PLD5: variants seen among roughly 807,000 people sequenced by gnomAD.
PLD5 encodes the protein phospholipase D family member 5.
PLD5 carries 36 observed loss-of-function variants against 61.1 expected under a neutral mutation model. That is an observed-to-expected ratio of 0.59 (90% CI 0.45 to 0.78). The LOEUF (loss-of-function observed/expected upper bound fraction) is 0.78. Ranked by LOEUF, PLD5 falls within the 30% of genes least tolerant of loss-of-function variation. PLD5 has a pLI of 0.00. For synonymous variants in PLD5, 243 were observed against 242.8 expected (o/e 1.00, Z -0.01); for missense variants, 515 against 644.4 (o/e 0.80, Z 2.17).
intron 1 of PLD5, among the ~76,000 whole-genome samples, chr1:242,522,397 C>T (rs567195623): frequency 6.6e-6 from 1 of 152,118 alleles, no homozygotes. Context: ...CATGGTATGA[C>T]TTGATACTTT....
At chr1:242,187,703 T>C (rs1574478074) in intron 5 of PLD5, among the ~76,000 whole-genome samples, 1 of 152,100 alleles carries the variant, frequency 6.6e-6, no homozygotes, top group Non-Finnish European at 1.5e-5. Flanking sequence ...TATAAATAAA[T>C]CTCCAGACAT....
At chr1:242,476,034 G>A (rs987802426) in intron 1 of PLD5, among the ~76,000 whole-genome samples, 2 of 152,286 alleles carry the variant, frequency 1.3e-5, no homozygotes, top group South Asian at 2.1e-4. Context: ...ATTTTGCTAC[G>A]CCCTAGCAAA....
intron 5 of PLD5, among the ~76,000 whole-genome samples, chr1:242,219,460 G>C (rs1670426906): frequency 6.6e-6 from 1 of 152,204 alleles, no homozygotes; most frequent in Admixed American, 6.5e-5. Flanking sequence ...TGGAAAGATG[G>C]TGATTTTGTA....
chr1:242,109,360 C>A (rs1430439496), intron 7 of PLD5, among the ~76,000 whole-genome samples: 1 of 152,192 alleles, frequency 6.6e-6, no homozygotes, highest in Non-Finnish European at 1.5e-5. Context: ...CACCTGTAAT[C>A]CCAGCTACTC....
chr1:242,460,201 A>G (rs554694667), intron 1 of PLD5, among the ~76,000 whole-genome samples: 111 of 152,138 alleles, frequency 7.3e-4, no homozygotes, highest in Admixed American at 1.9e-3. Context: ...CCATGTGACC[A>G]TCTCACCTCA....
chr1:242,190,138 CTTTT>C (rs902616187), intron 5 of PLD5, among the ~76,000 whole-genome samples: 3 of 74,400 alleles, frequency 4.0e-5, no homozygotes, highest in Non-Finnish European at 7.0e-5. Context: ...GACAGGACTC[CTTTT>C]TTTTTTTTTT....
chr1:242,307,371 A>G (rs376705105), intron 2 of PLD5, among the ~76,000 whole-genome samples: 15 of 149,282 alleles, frequency 1.0e-4, no homozygotes, highest in African/African-American at 3.2e-4. Context: ...GGTGATGATG[A>G]TGATGATGAT....
In PLD5 at chr1:242,193,727, G is replaced by T. The variant is rs1054088505; in HGVS notation, c.735+26261C>A. Among the ~76,000 whole-genome samples the T allele has an allele frequency of 3.3e-5, 5 of 152,182 alleles. No individual in the cohort carries two copies. The South Asian group carries it at 1.0e-3, about 31-fold the overall frequency. ...TTGGTTTAGCCACATCTTAGCACAT[G>T]TCCTTGGGCTGGCCATTCAGTGTTC... On this transcript the variant is annotated intron_variant, in intron 5 of 9. Coordinates refer to ENST00000536534, the MANE Select transcript of PLD5 (RefSeq NM_001372062.1).
intron 4 of PLD5, among the ~76,000 whole-genome samples, chr1:242,254,590 A>G (rs1242919742): frequency 2.0e-5 from 3 of 152,140 alleles, no homozygotes; most frequent in Non-Finnish European, 2.9e-5. Context: ...GAATCGCTTG[A>G]AACTGGGAGG....
intron 5 of PLD5, among the ~76,000 whole-genome samples, chr1:242,218,205 A>C (rs1225921875): frequency 6.6e-6 from 1 of 152,180 alleles, no homozygotes; most frequent in Non-Finnish European, 1.5e-5. Flanking sequence ...AAAACCCTCC[A>C]CCAGCAAAAA....
intron 2 of PLD5, among the ~76,000 whole-genome samples, chr1:242,293,891 A>C (rs1332306547): frequency 6.6e-6 from 1 of 152,198 alleles, no homozygotes; most frequent in Non-Finnish European, 1.5e-5. Context: ...CCAGCTTTGA[A>C]ATGACTTATT....
At chr1:242,179,059 T>C (rs755857853) in intron 5 of PLD5, among the ~76,000 whole-genome samples, 8 of 152,244 alleles carry the variant, frequency 5.3e-5, no homozygotes, top group Non-Finnish European at 1.2e-4. Context: ...ACTTGTTTTA[T>C]GTAATTGCAT....
chr1:242,443,244 T>G (rs1027789979), intron 1 of PLD5, among the ~76,000 whole-genome samples: 12 of 152,172 alleles, frequency 7.9e-5, no homozygotes, highest in Admixed American at 5.2e-4. Flanking sequence ...TTTTTACTAT[T>G]GAAAACAAAA....
At chr1:242,288,614 T>A (rs1242058504) in intron 2 of PLD5, 84 bp from the exon 3 acceptor site, 1 of 1,464,222 alleles carries the variant, frequency 6.8e-7, no homozygotes, top group Non-Finnish European at 9.0e-7. Context: ...ACAGCAGACA[T>A]CTAAAAAATA....
intron 7 of PLD5, among the ~76,000 whole-genome samples, chr1:242,108,296 C>T (rs1661221459): frequency 1.3e-5 from 2 of 152,192 alleles, no homozygotes; most frequent in South Asian, 4.1e-4. Flanking sequence ...AGCTTCCCCA[C>T]ACTTCCTTTT....
chr1:242,512,876 CT>C (rs879410650), intron 1 of PLD5, among the ~76,000 whole-genome samples: 129 of 132,356 alleles, frequency 9.7e-4, no homozygotes, highest in Admixed American at 1.3e-3. Flanking sequence ...TTTATTTTTT[CT>C]TTTTTTTTTT....
chr1:242,200,642 AT>A (rs367696442), intron 5 of PLD5, among the ~76,000 whole-genome samples: 69,011 of 150,070 alleles, frequency 0.46, 16,204 homozygotes, highest in East Asian at 0.75. Flanking sequence ...AAAAAAAAAA[AT>A]GTGTTGCATA....
intron 1 of PLD5, among the ~76,000 whole-genome samples, chr1:242,477,870 A>G (rs1667647314): frequency 6.6e-6 from 1 of 152,180 alleles, no homozygotes; most frequent in Non-Finnish European, 1.5e-5. Context: ...GGAGCATAAG[A>G]GCTGGACCCT....
chr1:242,305,647 T>A (rs1676306182), intron 2 of PLD5, among the ~76,000 whole-genome samples: 1 of 151,960 alleles, frequency 6.6e-6, no homozygotes, highest in African/African-American at 2.4e-5. Flanking sequence ...GCAACCTCCA[T>A]CTCCATGGTT....
Sources: allele counts gnomAD v4.1 joint callset (sites outside exome capture counted in the v4.1 genomes callset), GRCh38; gene constraint gnomAD v4.1.1; transcripts MANE v1.5; gene names NCBI Gene and HGNC (gene_info 2026-07-23, HGNC 2026-07-21).